The following DNASE1 variants were observed in gnomAD, a reference collection of about 807,000 sequenced individuals.
DNASE1 encodes deoxyribonuclease-1.
Under a neutral mutation model 33.9 loss-of-function variants are expected in DNASE1, and 40 were observed. That is an observed-to-expected ratio of 1.18 (90% confidence interval 0.92 to 1.54). The LOEUF (loss-of-function observed/expected upper bound fraction) is 1.54, where lower values mean the gene tolerates loss of function less well. Among genes scored for constraint, DNASE1 ranks in the 40% most tolerant of loss-of-function variants. DNASE1 has a pLI of 0.00. For missense variants in DNASE1, 518 were observed against 372.6 expected (o/e 1.39, Z -3.21); for synonymous variants, 216 against 160.0 (o/e 1.35, Z -2.64).
downstream of DNASE1, chr16:3,660,255 C>T (rs1469091661): frequency 6.6e-6 from 1 of 152,224 alleles, no homozygotes; most frequent in Non-Finnish European, 1.5e-5. Context: ...GCTGGCTGCA[C>T]TGGGGACACA....
At chr16:3,640,771 G>A (rs549799658), upstream of DNASE1, 29 of 398,564 alleles carry the variant, frequency 7.3e-5, no homozygotes, top group Non-Finnish European at 9.7e-5. Flanking sequence ...GTGGTACAGC[G>A]CCAGCCTGGG....
intron 1 of DNASE1, among the ~76,000 whole-genome samples, chr16:3,633,965 C>T (rs1046187888): frequency 3.8e-4 from 58 of 150,762 alleles, no homozygotes; most frequent in African/African-American, 1.3e-3. Context: ...CCCACCACCA[C>T]GCCTGGCTAA....
chr16:3,662,237 G>T (rs918647654), downstream of DNASE1: 7 of 1,397,646 alleles, frequency 5.0e-6, no homozygotes, highest in Admixed American at 1.6e-4. Context: ...GGTAGCAGGC[G>T]GGGTCTCAAG....
At chr16:3,617,369 A>C (rs1350096437) in intron 1 of DNASE1, among the ~76,000 whole-genome samples, 2 of 149,922 alleles carry the variant, frequency 1.3e-5, no homozygotes, top group African/African-American at 2.5e-5. Flanking sequence ...CTACAAGGGT[A>C]AATCTTTATG....
rs1451103386 is a variant in DNASE1, at chr16:3,655,401, C to T, written c.28C>T (p.Leu10=). 1 of 1,614,166 alleles carries T rather than the reference C, an allele frequency of 6.2e-7. No homozygotes were observed. Among genetic ancestry groups the T allele is most frequent in the Non-Finnish European group, 8.5e-7 (1 of 1,180,028 alleles). Reference sequence around the variant, plus strand: ...GAGGGGCATGAAGCTGCTGGGGGCGCTGCTGGCACTGGCGGCCCTACTGCA... The same window carrying T: ...GAGGGGCATGAAGCTGCTGGGGGCGTTGCTGGCACTGGCGGCCCTACTGCA... The part of the protein sequence containing the change: MRGMKLLGA[L]LALAALLQGA... The change falls in exon 2 of 9, where the codon CTG becomes TTG. Residue 10 remains leucine (L), a synonymous_variant. Transcript: ENST00000246949.
intron 1 of DNASE1, among the ~76,000 whole-genome samples, chr16:3,612,631 A>C (rs1245363962): frequency 7.0e-6 from 1 of 143,424 alleles, no homozygotes; most frequent in Non-Finnish European, 1.5e-5. Flanking sequence ...GCTGGTCTCG[A>C]GCCCTGGCCG....
At chr16:3,661,265 A>G (rs755259653), downstream of DNASE1, 1 of 152,228 alleles carries the variant, frequency 6.6e-6, no homozygotes, top group Non-Finnish European at 1.5e-5. Flanking sequence ...GTAAAAAGAA[A>G]GAAACTCAAA....
chr16:3,656,823 T>C lies in DNASE1; in HGVS notation c.436+70T>C, dbSNP rs1295000471. The C allele has an allele frequency of 7.8e-6, 12 of 1,545,268 alleles. No individual in the cohort carries two copies. The African/African-American group carries it at 1.5e-4, about 19-fold the overall frequency. On this transcript the variant is annotated intron_variant, in intron 5 of 8. Transcript: ENST00000246949. Reference sequence around the variant, plus strand: ...GGCCTCCACCCCCTCCTAGGGAACCTGGAATGCCTGTGTCACACACTGCCC... The same window carrying C: ...GGCCTCCACCCCCTCCTAGGGAACCCGGAATGCCTGTGTCACACACTGCCC...
At chr16:3,633,247 G>T (rs1211591439) in intron 1 of DNASE1, among the ~76,000 whole-genome samples, 1 of 151,682 alleles carries the variant, frequency 6.6e-6, no homozygotes. Flanking sequence ...GGCTTTAATT[G>T]AACATTTTAT....
At chr16:3,616,255 C>T (rs981163939) in intron 1 of DNASE1, among the ~76,000 whole-genome samples, 1 of 152,190 alleles carries the variant, frequency 6.6e-6, no homozygotes, top group Non-Finnish European at 1.5e-5. Flanking sequence ...AAGCATCTAC[C>T]AGCATAATCC....
chr16:3,637,910 A>C (rs145218438), intron 1 of DNASE1, among the ~76,000 whole-genome samples: 265 of 152,186 alleles, frequency 1.7e-3, no homozygotes, highest in Non-Finnish European at 2.7e-3. Flanking sequence ...GGGGGCAGTC[A>C]TTTGCCCTGT....
chr16:3,659,442 T>C (rs1447465466), downstream of DNASE1: 1 of 152,184 alleles, frequency 6.6e-6, no homozygotes, highest in Admixed American at 6.5e-5. Flanking sequence ...AAGAAATGTT[T>C]CATCATCTCA....
At chr16:3,655,590 C>A in intron 2 of DNASE1, 70 bp downstream of exon 2, 1 of 1,606,350 alleles carries the variant, frequency 6.2e-7, no homozygotes, top group Non-Finnish European at 8.5e-7. Context: ...GCAGGGCCAG[C>A]CCTATGGAGC....
chr16:3,633,014 G>A (rs1231139639), intron 1 of DNASE1, among the ~76,000 whole-genome samples: 1 of 152,092 alleles, frequency 6.6e-6, no homozygotes, highest in African/African-American at 2.4e-5. Flanking sequence ...TTCTGAGAAA[G>A]TCTTTATTTC....
intron 1 of DNASE1, among the ~76,000 whole-genome samples, chr16:3,617,142 C>T (rs1187759558): frequency 6.6e-6 from 1 of 151,588 alleles, no homozygotes; most frequent in Non-Finnish European, 1.5e-5. Flanking sequence ...GCCTGACCAA[C>T]GTGGAGAAAC....
rs762876611 is a variant in DNASE1 at position 3,631,669 on chromosome 16, C to T, written c.-1358-9046C>T. 2.0e-5 allele frequency among the ~76,000 whole-genome samples: 3 copies of T among 151,978 alleles called. No homozygotes were observed. In the East Asian group the frequency reaches 5.8e-4, roughly 29 times the overall value. ...CCCCCTAGTAGTGGGATTATAAGCACGCACTACCATGCCCGGCTAATTTTT... is the reference window on the plus strand; with the variant it reads ...CCCCCTAGTAGTGGGATTATAAGCATGCACTACCATGCCCGGCTAATTTTT... On this transcript the variant is annotated intron_variant and NMD_transcript_variant, in intron 1 of 11. Coordinates refer to the DNASE1 transcript ENST00000570769.
chr16:3,664,028 A>C, exon 10 of DNASE1: 1 of 458,270 alleles, frequency 2.2e-6, no homozygotes. Context: ...GCACCACTGC[A>C]CTCTAGCCTG....
chr16:3,658,781 T>C, downstream of DNASE1: 1 of 1,613,058 alleles, frequency 6.2e-7, no homozygotes, highest in Non-Finnish European at 8.5e-7. Context: ...CATCCTAAGC[T>C]GCTGCACTCA....
At chr16:3,655,103 T>C (rs980086124) in intron 1 of DNASE1, 59 bp downstream of exon 1, 9 of 595,858 alleles carry the variant, frequency 1.5e-5, no homozygotes, top group Admixed American at 3.0e-5. Flanking sequence ...GGAGGGAGGC[T>C]TAGAGTCTCA....
Sources: allele counts gnomAD v4.1 joint callset (sites outside exome capture counted in the v4.1 genomes callset), GRCh38; gene constraint gnomAD v4.1.1; transcripts MANE v1.5; gene names NCBI Gene and HGNC (gene_info 2026-07-23, HGNC 2026-07-21).